NEBL: variants seen among roughly 807,000 people sequenced by gnomAD.
NEBL encodes LIM and SH3 protein 2.
NEBL carries 122 observed loss-of-function variants against 140.2 expected under a neutral mutation model. That is an observed-to-expected ratio of 0.87 (90% confidence interval 0.75 to 1.01). NEBL has a LOEUF of 1.01. NEBL is among the 50% of genes least tolerant of loss of function. NEBL has a pLI of 0.00. For missense variants in NEBL, 1,365 were observed against 1,231.3 expected (o/e 1.11, Z -1.62); for synonymous variants, 436 against 398.9 (o/e 1.09, Z -1.11).
chr10:20,855,758 T>C (rs1011911092), intron 9 of NEBL, among the ~76,000 whole-genome samples: 4 of 152,128 alleles, frequency 2.6e-5, no homozygotes, highest in Non-Finnish European at 5.9e-5. Context: ...TTTTACACAG[T>C]AATTAAGGCA....
intron 2 of NEBL, among the ~76,000 whole-genome samples, chr10:21,026,192 C>G (rs1365044183): frequency 6.6e-6 from 1 of 152,162 alleles, no homozygotes; most frequent in Non-Finnish European, 1.5e-5. Flanking sequence ...TTCATACTGT[C>G]CTCAGAGGAC....
intron 3 of NEBL, among the ~76,000 whole-genome samples, chr10:21,220,471 A>G (rs1002086813): frequency 1.3e-5 from 2 of 152,190 alleles, no homozygotes; most frequent in East Asian, 1.9e-4. Context: ...TTGGACTTTT[A>G]TCTCCCACCA....
At chr10:20,840,187 C>A (rs988277826) in intron 13 of NEBL, among the ~76,000 whole-genome samples, 1 of 152,092 alleles carries the variant, frequency 6.6e-6, no homozygotes, top group Non-Finnish European at 1.5e-5. Context: ...CAGCCAAAGT[C>A]TCTTAAAAGC....
At chr10:21,241,907 G>C (rs778556192) in intron 3 of NEBL, among the ~76,000 whole-genome samples, 8 of 151,868 alleles carry the variant, frequency 5.3e-5, no homozygotes, top group Non-Finnish European at 1.0e-4. Context: ...GCTCATCTAA[G>C]AAACGTTCTG....
rs537615029 is a variant in NEBL at position 21,139,392 on chromosome 10, C to T, written c.164+32991G>A. ...AATGTAATCAAGCAGGAGGGGAAAT[C>T]GGTTACAATTTGGATGAGGATACCC... On this transcript the variant is annotated intron_variant, in intron 2 of 6. Coordinates refer to the NEBL transcript ENST00000417816. Among the ~76,000 whole-genome samples the T allele has an allele frequency of 5.3e-5, 8 of 152,088 alleles. No individual in the cohort carries two copies. The East Asian group carries it at 7.7e-4, about 15-fold the overall frequency.
chr10:21,027,629 C>T (rs972846288), intron 2 of NEBL, among the ~76,000 whole-genome samples: 11 of 152,138 alleles, frequency 7.2e-5, no homozygotes, highest in African/African-American at 2.7e-4. Context: ...CACACCTGGC[C>T]ATATTTTTAA....
At chr10:20,926,029 A>G (rs992767462) in intron 4 of NEBL, among the ~76,000 whole-genome samples, 2 of 152,202 alleles carry the variant, frequency 1.3e-5, no homozygotes, top group African/African-American at 2.4e-5. Context: ...TAAATTGAGA[A>G]AGAGCAGAAA....
At chr10:21,263,946 T>C (rs570343918) in intron 1 of NEBL, among the ~76,000 whole-genome samples, 1 of 152,062 alleles carries the variant, frequency 6.6e-6, no homozygotes, top group East Asian at 1.9e-4. Context: ...GCCTGGGCAA[T>C]AACAGTGAAA....
chr10:20,837,259 AC>A (rs1260356272), intron 13 of NEBL, among the ~76,000 whole-genome samples: 2 of 152,198 alleles, frequency 1.3e-5, no homozygotes, highest in Non-Finnish European at 2.9e-5. Flanking sequence ...TAACAGTGCT[AC>A]CCCAGTGAAC....
intron 3 of NEBL, among the ~76,000 whole-genome samples, chr10:20,997,738 G>C (rs940710871): frequency 6.6e-6 from 1 of 151,976 alleles, no homozygotes; most frequent in Non-Finnish European, 1.5e-5. Context: ...GTAATGTTCT[G>C]ATCAGTAGTA....
At chr10:20,789,582 T>C (rs928512239) in intron 26 of NEBL, among the ~76,000 whole-genome samples, 2 of 152,184 alleles carry the variant, frequency 1.3e-5, no homozygotes, top group African/African-American at 4.8e-5. Flanking sequence ...GTATGGTGGC[T>C]CATGCCTGTA....
chr10:21,284,096 G>C (rs1262344879), intron 1 of NEBL, among the ~76,000 whole-genome samples: 3 of 145,076 alleles, frequency 2.1e-5, no homozygotes, highest in Non-Finnish European at 4.5e-5. Flanking sequence ...TGTAGTCCCA[G>C]CTACTCAGGA....
Position 20,796,356 on chromosome 10 carries a change from G to A in NEBL, c.2762-9048C>T, listed in dbSNP as rs189626594. Among the ~76,000 whole-genome samples, 624 of 88,288 alleles carry A rather than the reference G, an allele frequency of 7.1e-3. 4 individuals are homozygous for A. The Middle Eastern group carries it at 0.074, about 10-fold the overall frequency. The allele number at this position is 88,288 out of a possible 152,430, so 57.9% of individuals were successfully genotyped here. A position where few individuals can be genotyped will look rare whatever the true frequency, so the allele number is the denominator to read the frequency against. Reference sequence around the variant, plus strand: ...CCTGGGGTGACAAGAGTGAAACTCAGTCTAAAACAAGAAAAAAAAAAAAAA... The same window carrying A: ...CCTGGGGTGACAAGAGTGAAACTCAATCTAAAACAAGAAAAAAAAAAAAAA... On this transcript the variant is annotated intron_variant, in intron 26 of 27. Coordinates refer to ENST00000377122, the MANE Select transcript of NEBL (RefSeq NM_006393.3).
intron 3 of NEBL, among the ~76,000 whole-genome samples, chr10:21,182,454 C>A (rs764102092): frequency 1.4e-4 from 21 of 152,060 alleles, no homozygotes; most frequent in Non-Finnish European, 2.4e-4. Flanking sequence ...CCAGCCTGGA[C>A]AACAGAAACA....
intron 2 of NEBL, among the ~76,000 whole-genome samples, chr10:21,027,735 G>T (rs1429690498): frequency 6.6e-6 from 1 of 152,080 alleles, no homozygotes; most frequent in African/African-American, 2.4e-5. Flanking sequence ...TCTCTTTGCT[G>T]GGGACCATCT....
intron 1 of NEBL, among the ~76,000 whole-genome samples, chr10:21,272,155 C>G (rs184923521): frequency 0.031 from 3,183 of 101,630 alleles, 116 homozygotes; most frequent in African/African-American, 0.12. Context: ...TTAGTAGAGA[C>G]GGGGTTTCAC....
At chr10:21,282,967 A>G (rs1406210842) in intron 1 of NEBL, among the ~76,000 whole-genome samples, 1 of 152,018 alleles carries the variant, frequency 6.6e-6, no homozygotes, top group Non-Finnish European at 1.5e-5. Context: ...TCTACTGAAA[A>G]TACAAAAAAT....
At position 20,897,041 on chromosome 10, in the gene NEBL, AAAAG is replaced by A; in HGVS notation, c.82-16_82-13del. ...GGCTTATAGAAGACCTATTTGAAAA[AAAAG>A]AAAAGAACAGAAAGAACATTTTTCT... On this transcript the variant is annotated splice_polypyrimidine_tract_variant and intron_variant, in intron 1 of 27. Coordinates refer to ENST00000377122, the MANE Select transcript of NEBL (RefSeq NM_006393.3). 1.2e-6 allele frequency: 2 copies of A among 1,612,692 alleles called. No homozygotes were observed. Among genetic ancestry groups the A allele is most frequent in the South Asian group, 2.2e-5 (2 of 91,018 alleles).
At position 20,787,325 on chromosome 10, in the gene NEBL, C is replaced by A. The variant is rs758747696; in HGVS notation, c.2762-17G>T. ...GAACAGGTGCTGCATGTTAAACATACACACACACAAAGATTCCTTAAAGTT... is the reference window on the plus strand; with the variant it reads ...GAACAGGTGCTGCATGTTAAACATAAACACACACAAAGATTCCTTAAAGTT... On this transcript the variant is annotated splice_polypyrimidine_tract_variant and intron_variant, in intron 26 of 27. Coordinates refer to ENST00000377122, the MANE Select transcript of NEBL (RefSeq NM_006393.3). 5 of 1,576,288 alleles carry A rather than the reference C, an allele frequency of 3.2e-6. No individual in the cohort carries two copies. In the South Asian group the frequency reaches 3.4e-5, roughly 11 times the overall value.
Sources: allele counts gnomAD v4.1 joint callset (sites outside exome capture counted in the v4.1 genomes callset), GRCh38; gene constraint gnomAD v4.1.1; transcripts MANE v1.5; gene names NCBI Gene and HGNC (gene_info 2026-07-23, HGNC 2026-07-21).